CELF2: variants seen among roughly 807,000 people sequenced by gnomAD.
CELF2 encodes CUG triplet repeat RNA-binding protein 2.
In CELF2, 8 loss-of-function variants were observed where a neutral mutation model predicts 62.6. The observed-to-expected ratio is 0.13, with a 90% CI of 0.07 to 0.23. The LOEUF (loss-of-function observed/expected upper bound fraction) is 0.23. Ranked by LOEUF, CELF2 falls within the 10% of genes least tolerant of loss-of-function variation. The pLI is 1.00. For missense variants in CELF2, 333 were observed against 671.0 expected (o/e 0.50, Z 5.56); for synonymous variants, 258 against 250.0 (o/e 1.03, Z -0.30).
At chr10:11,256,698 A>C (rs2078879617) in intron 4 of CELF2, among the ~76,000 whole-genome samples, 1 of 151,162 alleles carries the variant, frequency 6.6e-6, no homozygotes, top group Admixed American at 6.6e-5. Context: ...CCTCTCCTAA[A>C]AAGGACTCCA....
At chr10:10,646,685 A>G in the CELF2 span, among the ~76,000 whole-genome samples, 1 of 152,236 alleles carries the variant, frequency 6.6e-6, no homozygotes, top group Non-Finnish European at 1.5e-5. Flanking sequence ...TATTTATGAC[A>G]AGCTGTGATG....
chr10:10,836,921 C>T (rs989530182), intron 1 of CELF2, among the ~76,000 whole-genome samples: 1 of 152,198 alleles, frequency 6.6e-6, no homozygotes, highest in Non-Finnish European at 1.5e-5. Context: ...AGGCTTGAGC[C>T]ACCACACCTG....
chr10:10,929,013 G>A (rs1418242680), intron 2 of CELF2, among the ~76,000 whole-genome samples: 1 of 152,180 alleles, frequency 6.6e-6, no homozygotes, highest in East Asian at 1.9e-4. Context: ...AAGGGAAGGA[G>A]GAAGGATTGA....
chr10:10,492,770 A>G, the CELF2 span, among the ~76,000 whole-genome samples: 1 of 152,240 alleles, frequency 6.6e-6, no homozygotes, highest in South Asian at 2.1e-4. Flanking sequence ...CTTGAATTGT[A>G]GCTCCCATAA....
chr10:10,772,525 T>C, the CELF2 span, among the ~76,000 whole-genome samples: 3 of 152,240 alleles, frequency 2.0e-5, no homozygotes, highest in East Asian at 5.8e-4. Context: ...CACTGCTGCC[T>C]AGTTGCAAGG....
In CELF2 at chr10:11,280,708, C is replaced by G. The variant is rs1313929286; in HGVS notation, c.841+5588C>G. Among the ~76,000 whole-genome samples the G allele has an allele frequency of 2.0e-5, 3 of 152,196 alleles. No homozygotes were observed. Among genetic ancestry groups the G allele is most frequent in the African/African-American group, 7.2e-5 (3 of 41,446 alleles). On this transcript the variant is annotated intron_variant, in intron 8 of 12. Transcript: ENST00000633077. This position sits in a 1 kb window ranked among gnomAD's most constrained non-coding sequence, Gnocchi z 7.6. Reference sequence around the variant, plus strand: ...CATGGGGCAGGATGGACAGAGGACACATGGGCCACGGCCTCTGCCTGGCTG... The same window carrying G: ...CATGGGGCAGGATGGACAGAGGACAGATGGGCCACGGCCTCTGCCTGGCTG...
At position 10,884,959 on chromosome 10, in the gene CELF2, G is replaced by A. The variant is rs543869887; in HGVS notation, c.54-35005G>A. Among the ~76,000 whole-genome samples, 9 of 152,234 alleles carry A rather than the reference G, an allele frequency of 5.9e-5. No homozygotes were observed. In the East Asian group the frequency reaches 1.4e-3, roughly 23 times the overall value. On this transcript the variant is annotated intron_variant, in intron 1 of 13. Coordinates refer to the CELF2 transcript ENST00000636488. ...AGTGATTTTTAAGATTAAATGATAG[G>A]GTATCTGGGCACAGTGGCTCATGCC...
rs149484486 is a variant in CELF2, at chr10:11,250,743, T to C, written c.403+1542T>C. Among the ~76,000 whole-genome samples the C allele has an allele frequency of 5.6e-4, 85 of 152,330 alleles. 1 individual carries two copies. The East Asian group carries it at 0.015, about 27-fold the overall frequency. On this transcript the variant is annotated intron_variant, in intron 4 of 12. Transcript: ENST00000633077. The stretch of plus-strand genomic sequence containing the variant: ...GATTTCTGCAGTTGTAAAATGGAAT[T>C]GATGGTAACTGTCTCACCTAAGTTG...
the CELF2 span, among the ~76,000 whole-genome samples, chr10:10,721,067 G>T: frequency 6.6e-6 from 1 of 152,184 alleles, no homozygotes; most frequent in Non-Finnish European, 1.5e-5. Flanking sequence ...AAGCACTCTC[G>T]CACAGATTGC....
In CELF2 at chr10:11,018,022, G is replaced by T; in HGVS notation, c.-68G>T. 1 of 1,079,072 alleles carries T rather than the reference G, an allele frequency of 9.3e-7. No individual in the cohort carries two copies. The highest frequency in any genetic ancestry group is 1.1e-6 in the Non-Finnish European group (1 of 892,304). The allele number at this position is 1,079,072 out of a possible 1,614,324, so 66.8% of individuals were successfully genotyped here. On this transcript the variant is annotated 5_prime_UTR_variant, in exon 1 of 13. Transcript: ENST00000633077. Reference sequence around the variant, plus strand: ...GCGCACCTGTCCCTGCCCGTCTCGCGCCGCCCGCGGCCGCTCGGACGCGCG... The same window carrying T: ...GCGCACCTGTCCCTGCCCGTCTCGCTCCGCCCGCGGCCGCTCGGACGCGCG...
chr10:10,759,247 G>A, the CELF2 span, among the ~76,000 whole-genome samples: 2 of 151,100 alleles, frequency 1.3e-5, no homozygotes, highest in South Asian at 4.2e-4. Flanking sequence ...CATAAAGCAG[G>A]CATCTCTGAG....
At chr10:10,480,932 A>G in the CELF2 span, among the ~76,000 whole-genome samples, 2 of 152,144 alleles carry the variant, frequency 1.3e-5, no homozygotes, top group African/African-American at 4.8e-5. Flanking sequence ...CAGTGGTAGC[A>G]GGCACCTGTA....
intron 1 of CELF2, among the ~76,000 whole-genome samples, chr10:11,043,540 A>C (rs758350158): frequency 6.6e-6 from 1 of 152,068 alleles, no homozygotes; most frequent in African/African-American, 2.4e-5. Context: ...GGATGCCTAC[A>C]TGGTTGCATC....
At chr10:10,526,099 T>C in the CELF2 span, among the ~76,000 whole-genome samples, 1 of 152,232 alleles carries the variant, frequency 6.6e-6, no homozygotes, top group South Asian at 2.1e-4. Flanking sequence ...CACATATAGA[T>C]GTTGATGTAT....
At chr10:11,066,198 C>T (rs2068108980) in intron 1 of CELF2, among the ~76,000 whole-genome samples, 1 of 152,148 alleles carries the variant, frequency 6.6e-6, no homozygotes, top group African/African-American at 2.4e-5. Flanking sequence ...GAGCTGGCTT[C>T]ATTGTGTGCC....
chr10:11,157,067 T>G lies in CELF2; in HGVS notation c.75-8419T>G, dbSNP rs1230526176. ...TCCCACAGCGTGTGAGAATGAAGGG[T>G]GGAAATGGAAGGTCCTTTGCGGAAC... On this transcript the variant is annotated intron_variant, in intron 1 of 12. Coordinates refer to ENST00000633077, the MANE Select transcript of CELF2 (RefSeq NM_001326342.2). The surrounding 1 kb of genome is among the most constrained non-coding windows in gnomAD (Gnocchi z 4.9). Among the ~76,000 whole-genome samples the G allele has an allele frequency of 2.0e-5, 3 of 151,772 alleles. No individual in the cohort carries two copies. The highest frequency in any genetic ancestry group is 4.4e-5 in the Non-Finnish European group (3 of 67,944).
the CELF2 span, among the ~76,000 whole-genome samples, chr10:10,560,715 T>G: frequency 6.6e-6 from 1 of 152,170 alleles, no homozygotes; most frequent in African/African-American, 2.4e-5. Context: ...AAAAGATACT[T>G]GTACACGCAT....
intron 1 of CELF2, among the ~76,000 whole-genome samples, chr10:10,890,158 G>C (rs965574755): frequency 2.0e-5 from 3 of 152,162 alleles, no homozygotes; most frequent in African/African-American, 7.2e-5. Flanking sequence ...ACAGTAAAAT[G>C]AACAGCCAAA....
chr10:10,808,552 T>C (rs1484676686), intron 1 of CELF2, among the ~76,000 whole-genome samples: 1 of 152,202 alleles, frequency 6.6e-6, no homozygotes, highest in African/African-American at 2.4e-5. Context: ...GTTCGATTAC[T>C]TGACAAAATA....
Sources: allele counts gnomAD v4.1 joint callset (sites outside exome capture counted in the v4.1 genomes callset), GRCh38; gene constraint gnomAD v4.1.1; non-coding constraint Gnocchi (gnomAD v3.1); transcripts MANE v1.5; gene names NCBI Gene and HGNC (gene_info 2026-07-23, HGNC 2026-07-21).